NFATC3: variants seen among roughly 807,000 people sequenced by gnomAD.
NFATC3 encodes nuclear factor of activated T cells 3.
In NFATC3, 46 loss-of-function variants were observed where a neutral mutation model predicts 98.6. The ratio of observed to expected loss-of-function variants is 0.47; its 90% CI spans 0.37 to 0.60. The LOEUF is 0.60. NFATC3 is among the 20% of genes least tolerant of loss of function. NFATC3 has a pLI of 0.00. For missense variants in NFATC3, 1,256 were observed against 1,295.5 expected (o/e 0.97, Z 0.47); for synonymous variants, 512 against 472.2 (o/e 1.08, Z -1.09).
chr16:68,186,813 T>G (rs547475421), intron 8 of NFATC3, among the ~76,000 whole-genome samples: 1 of 152,388 alleles, frequency 6.6e-6, no homozygotes, highest in Admixed American at 6.5e-5. Context: ...GTCTCATTAA[T>G]TTGTATGAAT....
chr16:68,113,512 G>A (rs903861284), intron 1 of NFATC3, among the ~76,000 whole-genome samples: 2 of 152,330 alleles, frequency 1.3e-5, no homozygotes, highest in Admixed American at 6.5e-5. Context: ...TGGCTGGAAC[G>A]CTCCTGTATC....
chr16:68,223,930 T>C (rs1056238301), intron 9 of NFATC3, among the ~76,000 whole-genome samples: 1 of 150,658 alleles, frequency 6.6e-6, no homozygotes, highest in Non-Finnish European at 1.5e-5. Context: ...ACAAAGTACT[T>C]TATTAATCTA....
chr16:68,085,468 C>T lies in NFATC3; in HGVS notation c.-214C>T. 2.2e-6 allele frequency: 1 copy of T among 451,162 alleles called. No homozygotes were observed. The highest frequency in any genetic ancestry group is 3.2e-5 in the South Asian group (1 of 31,322). 27.9% of individuals were successfully genotyped at this position (451,162 alleles called of 1,614,324 possible). ...ACAGTGGAGGCTTAGGCACCGGTGG[C>T]GGGCGGCTGCGGTTCCTGGTGCTGC... is the stretch of plus-strand genomic sequence containing the variant. On this transcript the variant is annotated 5_prime_UTR_variant, in exon 1 of 10. Transcript: ENST00000346183.
intron 3 of NFATC3, among the ~76,000 whole-genome samples, chr16:68,137,426 C>G (rs2037481766): frequency 6.6e-6 from 1 of 152,078 alleles, no homozygotes; most frequent in Admixed American, 6.6e-5. Flanking sequence ...TATATACGGT[C>G]TGTCATTTAC....
At chr16:68,114,517 A>G (rs2036161831) in intron 1 of NFATC3, among the ~76,000 whole-genome samples, 1 of 151,938 alleles carries the variant, frequency 6.6e-6, no homozygotes, top group Admixed American at 6.5e-5. Context: ...TCTTCAATAA[A>G]TAACAACTGA....
chr16:68,114,505 ACT>A lies in NFATC3; in HGVS notation c.104-7479_104-7478del, dbSNP rs919280890. Among the ~76,000 whole-genome samples the A allele has an allele frequency of 6.0e-5, 9 of 150,744 alleles. 1 individual carries two copies. Among genetic ancestry groups the A allele is most frequent in the African/African-American group, 2.2e-4 (9 of 40,946 alleles). On this transcript the variant is annotated intron_variant, in intron 1 of 9. Coordinates refer to ENST00000346183, the MANE Select transcript of NFATC3 (RefSeq NM_173165.3). ...TTTAGTCACTTTAAACTCTGCATTG[ACT>A]CTTCAATAAATAACAACTGAGCAGA...
intron 1 of NFATC3, chr16:68,089,125 T>C (rs778447169): frequency 6.1e-6 from 6 of 985,470 alleles, no homozygotes; most frequent in Non-Finnish European, 7.2e-6. Context: ...GCAGTGGTTT[T>C]ACATCTCTGA....
At chr16:68,190,485 G>A (rs763693781) in intron 8 of NFATC3, among the ~76,000 whole-genome samples, 52 of 152,112 alleles carry the variant, frequency 3.4e-4, no homozygotes, top group African/African-American at 4.6e-4. Flanking sequence ...TAATTCTGTC[G>A]CTTAGTCACC....
intron 9 of NFATC3, among the ~76,000 whole-genome samples, chr16:68,216,287 T>A (rs1181923207): frequency 2.6e-5 from 4 of 152,220 alleles, no homozygotes; most frequent in East Asian, 1.9e-4. Flanking sequence ...CTGATAATTT[T>A]AAAATGCTTC....
Position 68,181,785 on chromosome 16 carries a change from T to C in NFATC3, c.1971+255T>C, listed in dbSNP as rs1403245540. Among the ~76,000 whole-genome samples, 9 of 152,018 alleles carry C rather than the reference T, an allele frequency of 5.9e-5. 1 individual carries two copies. The highest frequency in any genetic ancestry group is 3.9e-4 in the East Asian group (2 of 5,152). ...TCTCTAAAATACAAAAAATTAGCCATGCGTGGTGAGGTGCGCCTGTAGTGC... is the reference window on the plus strand; with the variant it reads ...TCTCTAAAATACAAAAAATTAGCCACGCGTGGTGAGGTGCGCCTGTAGTGC... On this transcript the variant is annotated intron_variant, in intron 7 of 9. Transcript: ENST00000346183.
intron 1 of NFATC3, among the ~76,000 whole-genome samples, chr16:68,105,562 C>T (rs538596312): frequency 1.9e-4 from 29 of 152,096 alleles, no homozygotes; most frequent in Middle Eastern, 3.4e-3. Flanking sequence ...TATATTCATA[C>T]GGGATATTGG....
chr16:68,209,480 G>T, intron 9 of NFATC3: 1 of 197,334 alleles, frequency 5.1e-6, no homozygotes, highest in South Asian at 7.9e-5. Context: ...GGAAGGTGTT[G>T]CTGCTGGAGG....
At position 68,107,730 on chromosome 16, in the gene NFATC3, T is replaced by TATAATA. The variant is rs531308268; in HGVS notation, c.104-14239_104-14234dup. Among the ~76,000 whole-genome samples the TATAATA allele has an allele frequency of 3.3e-4, 50 of 150,766 alleles. No homozygotes were observed. In the East Asian group the frequency reaches 7.6e-3, roughly 23 times the overall value. ...AGAGTGAGACACTGTATCAAAAAAA[T>TATAATA]ATAATAATAATAATAATAATAATTT... is the stretch of plus-strand genomic sequence containing the variant. On this transcript the variant is annotated intron_variant, in intron 1 of 9. Transcript: ENST00000346183.
intron 1 of NFATC3, among the ~76,000 whole-genome samples, chr16:68,101,009 A>G (rs2035322008): frequency 6.6e-6 from 1 of 151,844 alleles, no homozygotes; most frequent in African/African-American, 2.4e-5. Context: ...TATTAATAGT[A>G]TCTTTTGTAG....
intron 3 of NFATC3, among the ~76,000 whole-genome samples, chr16:68,153,386 C>T (rs1367998738): frequency 6.6e-6 from 1 of 152,138 alleles, no homozygotes; most frequent in East Asian, 1.9e-4. Context: ...TGCGCCATTG[C>T]ACTCCAGCCT....
chr16:68,145,248 G>A (rs55723050), intron 3 of NFATC3, among the ~76,000 whole-genome samples: 7,674 of 151,424 alleles, frequency 0.051, 258 homozygotes, highest in Non-Finnish European at 0.081. Flanking sequence ...GGCCCAAGCC[G>A]TCCTCCAATC....
At chr16:68,162,960 C>T (rs58518118) in intron 4 of NFATC3, among the ~76,000 whole-genome samples, 26,134 of 149,118 alleles carry the variant, frequency 0.18, 2,675 homozygotes, top group African/African-American at 0.27. Context: ...ACAACGAGCA[C>T]GCTGCCTTCA....
rs71268472 is a variant in NFATC3 at position 68,102,374 on chromosome 16, GAAA to G, written c.103+16615_103+16617del. Among the ~76,000 whole-genome samples, 23 of 30,904 alleles carry G rather than the reference GAAA, an allele frequency of 7.4e-4. 1 individual carries two copies. Among genetic ancestry groups the G allele is most frequent in the African/African-American group, 2.7e-3 (22 of 8,134 alleles). 20.3% of individuals were successfully genotyped at this position (30,904 alleles called of 152,430 possible). On this transcript the variant is annotated intron_variant, in intron 1 of 9. Transcript: ENST00000346183. Reference sequence around the variant, plus strand: ...GTGACAGTGTGAGACTCCATCTCAGGAAAAAAAAAAAAAAAAAAAAAAAAAAAG... The same window carrying G: ...GTGACAGTGTGAGACTCCATCTCAGGAAAAAAAAAAAAAAAAAAAAAAAAG...
At chr16:68,095,655 G>T (rs2034985527) in intron 1 of NFATC3, among the ~76,000 whole-genome samples, 1 of 152,120 alleles carries the variant, frequency 6.6e-6, no homozygotes, top group South Asian at 2.1e-4. Flanking sequence ...TGCCCAGCCA[G>T]TTGAGGGACT....
Sources: allele counts gnomAD v4.1 joint callset (sites outside exome capture counted in the v4.1 genomes callset), GRCh38; gene constraint gnomAD v4.1.1; transcripts MANE v1.5; gene names NCBI Gene and HGNC (gene_info 2026-07-23, HGNC 2026-07-21).